LRP1B: variants seen among roughly 807,000 people sequenced by gnomAD.
LRP1B encodes the protein LDL receptor related protein 1B, also known as low-density lipoprotein receptor-related protein 1B.
LRP1B carries 217 observed loss-of-function variants against 556.6 expected under a neutral mutation model. That is an observed-to-expected ratio of 0.39 (90% CI 0.35 to 0.44). The LOEUF (loss-of-function observed/expected upper bound fraction) is 0.44. Among genes scored for constraint, LRP1B ranks in the 20% least tolerant of loss-of-function variants. LRP1B has a pLI of 1.00. For synonymous variants in LRP1B, 2,047 were observed against 1,865.8 expected (o/e 1.10, Z -2.50); for missense variants, 5,053 against 5,620.8 (o/e 0.90, Z 3.23).
intron 1 of LRP1B, among the ~76,000 whole-genome samples, chr2:141,813,958 T>C (rs868025573): frequency 6.6e-6 from 1 of 152,110 alleles, no homozygotes; most frequent in African/African-American, 2.4e-5. Context: ...TTGACTGGTC[T>C]ATGAGCCATT....
At chr2:141,633,324 T>A (rs115161428) in intron 2 of LRP1B, among the ~76,000 whole-genome samples, 1 of 152,140 alleles carries the variant, frequency 6.6e-6, no homozygotes, top group Admixed American at 6.5e-5. Flanking sequence ...ATATTCTGGT[T>A]ATAAGGAAAG....
intron 27 of LRP1B, among the ~76,000 whole-genome samples, chr2:140,865,603 T>C (rs1692924508): frequency 1.3e-5 from 2 of 151,992 alleles, no homozygotes; most frequent in Non-Finnish European, 2.9e-5. Context: ...ATCCTTATAA[T>C]GGGGAAAGGT....
At chr2:140,709,596 A>G (rs894706253) in intron 37 of LRP1B, among the ~76,000 whole-genome samples, 1 of 152,064 alleles carries the variant, frequency 6.6e-6, no homozygotes, top group African/African-American at 2.4e-5. Context: ...ATTTGGCTAC[A>G]TTTTAAAAGA....
chr2:141,029,218 T>A (rs142341002), intron 11 of LRP1B, among the ~76,000 whole-genome samples: 1 of 152,234 alleles, frequency 6.6e-6, no homozygotes, highest in African/African-American at 2.4e-5. Context: ...AATAGCCTTT[T>A]CCCCCTGTGA....
chr2:141,275,208 A>C (rs1685240264), intron 3 of LRP1B, among the ~76,000 whole-genome samples: 2 of 152,218 alleles, frequency 1.3e-5, no homozygotes, highest in South Asian at 4.1e-4. Flanking sequence ...AAAGTAAATA[A>C]ATGTATTCAT....
At chr2:141,850,725 G>T (rs1697821959) in intron 1 of LRP1B, among the ~76,000 whole-genome samples, 1 of 150,694 alleles carries the variant, frequency 6.6e-6, no homozygotes, top group Admixed American at 6.7e-5. Flanking sequence ...AGGAAAATAG[G>T]TTAACCAGCA....
At chr2:141,300,888 C>A (rs573189591) in intron 3 of LRP1B, among the ~76,000 whole-genome samples, 1 of 151,924 alleles carries the variant, frequency 6.6e-6, no homozygotes, top group Admixed American at 6.6e-5. Flanking sequence ...TTATAGAGTC[C>A]TCAGGTGTTG....
At chr2:141,613,236 T>C (rs948960290) in intron 2 of LRP1B, among the ~76,000 whole-genome samples, 3 of 152,128 alleles carry the variant, frequency 2.0e-5, no homozygotes, top group Non-Finnish European at 4.4e-5. Context: ...CTCTGGTAAG[T>C]ACTTCCTTGA....
chr2:141,170,218 G>C (rs189143203), intron 7 of LRP1B, among the ~76,000 whole-genome samples: 3 of 152,184 alleles, frequency 2.0e-5, no homozygotes, highest in Admixed American at 2.0e-4. Flanking sequence ...TGTATTGTGC[G>C]AGAGAGTCAG....
At chr2:141,260,288 T>C (rs1684636381) in intron 3 of LRP1B, among the ~76,000 whole-genome samples, 1 of 152,212 alleles carries the variant, frequency 6.6e-6, no homozygotes, top group Non-Finnish European at 1.5e-5. Flanking sequence ...TACATAACCA[T>C]GGGCCAATTT....
At chr2:141,005,518 G>A (rs116577113) in intron 14 of LRP1B, 61 bp from the exon 15 acceptor site, 124,243 of 1,540,478 alleles carry the variant, frequency 0.081, 5,522 homozygotes, top group Middle Eastern at 0.097. Flanking sequence ...TCTAGGAGGT[G>A]AACATAGATG....
intron 2 of LRP1B, among the ~76,000 whole-genome samples, chr2:141,673,060 G>A (rs530943548): frequency 6.6e-6 from 1 of 152,160 alleles, no homozygotes; most frequent in African/African-American, 2.4e-5. Flanking sequence ...TTAAAACACA[G>A]ATAAGTGTTA....
At chr2:141,890,480 C>T (rs375619452) in intron 1 of LRP1B, among the ~76,000 whole-genome samples, 1 of 150,870 alleles carries the variant, frequency 6.6e-6, no homozygotes, top group African/African-American at 2.4e-5. Context: ...AATAATCACA[C>T]GTCTGCAAGT....
At chr2:140,751,349 T>C (rs1390303531) in intron 35 of LRP1B, among the ~76,000 whole-genome samples, 1 of 152,142 alleles carries the variant, frequency 6.6e-6, no homozygotes, top group Non-Finnish European at 1.5e-5. Flanking sequence ...ATAAAATATA[T>C]ATAAATGGAA....
intron 18 of LRP1B, among the ~76,000 whole-genome samples, chr2:140,976,425 A>G (rs567715770): frequency 6.6e-6 from 1 of 152,050 alleles, no homozygotes; most frequent in East Asian, 1.9e-4. Context: ...ATCAATATCC[A>G]TAAAAATGAG....
At chr2:141,422,142 T>C (rs1484420662) in intron 3 of LRP1B, among the ~76,000 whole-genome samples, 1 of 152,196 alleles carries the variant, frequency 6.6e-6, no homozygotes, top group East Asian at 1.9e-4. Context: ...AAAATAAAGA[T>C]AACAAGAGTA....
rs543823379 is a variant in LRP1B at position 140,863,352 on chromosome 2, G to A, written c.4579+4238C>T. Among the ~76,000 whole-genome samples, 62 of 152,202 alleles carry A rather than the reference G, an allele frequency of 4.1e-4. No homozygotes were observed. In the Middle Eastern group the frequency reaches 0.01, roughly 25 times the overall value. ...TCTTAGAGGAATGGTTCTGAAGGCA[G>A]CATCATATCCCCTGGGAATTTGTTA... is the stretch of plus-strand genomic sequence containing the variant. On this transcript the variant is annotated intron_variant, in intron 27 of 90. Coordinates refer to ENST00000389484, the MANE Select transcript of LRP1B (RefSeq NM_018557.3).
intron 1 of LRP1B, among the ~76,000 whole-genome samples, chr2:141,972,406 C>T (rs1011974545): frequency 2.6e-5 from 4 of 151,464 alleles, no homozygotes; most frequent in Admixed American, 2.6e-4. Context: ...ACTACATACT[C>T]TTCTTTTTTT....
chr2:141,671,341 G>A (rs1690660829), intron 2 of LRP1B, among the ~76,000 whole-genome samples: 1 of 152,134 alleles, frequency 6.6e-6, no homozygotes, highest in Non-Finnish European at 1.5e-5. Flanking sequence ...ATGTTTAATT[G>A]AGGAAGTTTT....
Sources: allele counts gnomAD v4.1 joint callset (sites outside exome capture counted in the v4.1 genomes callset), GRCh38; gene constraint gnomAD v4.1.1; transcripts MANE v1.5; gene names NCBI Gene and HGNC (gene_info 2026-07-23, HGNC 2026-07-21).